The following CTNNA3 variants were observed in gnomAD, a reference collection of about 807,000 sequenced individuals.
CTNNA3 encodes catenin alpha 3.
CTNNA3 carries 76 observed loss-of-function variants against 95.7 expected under a neutral mutation model. The observed-to-expected ratio is 0.79, with a 90% CI of 0.66 to 0.96. The LOEUF is 0.96. Ranked by LOEUF, CTNNA3 falls within the 40% of genes least tolerant of loss-of-function variation. CTNNA3 has a pLI of 0.00. For missense variants in CTNNA3, 1,191 were observed against 1,089.8 expected, an observed-to-expected ratio of 1.09 and a Z score of -1.31; for synonymous variants, 431 against 374.4, an observed-to-expected ratio of 1.15 and a Z score of -1.74.
chr10:66,270,542 A>T (rs1050752194), intron 13 of CTNNA3, among the ~76,000 whole-genome samples: 15 of 152,172 alleles, frequency 9.9e-5, no homozygotes, highest in Admixed American at 9.8e-4. Flanking sequence ...TCCTTATTTC[A>T]TATAGCCTAC....
intron 17 of CTNNA3, among the ~76,000 whole-genome samples, chr10:65,939,269 A>AT (rs1312816541): frequency 6.6e-6 from 1 of 152,072 alleles, no homozygotes; most frequent in Non-Finnish European, 1.5e-5. Flanking sequence ...CTACCGAATA[A>AT]TTTTTTCCTA....
At chr10:66,612,746 T>C (rs1844370970) in intron 10 of CTNNA3, among the ~76,000 whole-genome samples, 1 of 152,080 alleles carries the variant, frequency 6.6e-6, no homozygotes, top group African/African-American at 2.4e-5. Flanking sequence ...TTTTTCAATT[T>C]CTATTACATG....
At chr10:66,133,501 A>T (rs1426721534) in intron 13 of CTNNA3, among the ~76,000 whole-genome samples, 1 of 151,544 alleles carries the variant, frequency 6.6e-6, no homozygotes, top group East Asian at 1.9e-4. Context: ...CGACAGAGTG[A>T]GAGTCTGTCT....
chr10:67,586,994 G>A (rs1424998191), intron 3 of CTNNA3, among the ~76,000 whole-genome samples: 1 of 151,928 alleles, frequency 6.6e-6, no homozygotes, highest in Non-Finnish European at 1.5e-5. Context: ...TGTTTTTCAT[G>A]ATGGTAAATG....
chr10:66,427,799 C>G (rs1041034785), intron 11 of CTNNA3, among the ~76,000 whole-genome samples: 15 of 152,154 alleles, frequency 9.9e-5, no homozygotes, highest in African/African-American at 2.6e-4. Context: ...TGCAAAAACA[C>G]TCCAAATTGT....
intron 9 of CTNNA3, among the ~76,000 whole-genome samples, chr10:66,676,108 A>C (rs1846843840): frequency 6.7e-6 from 1 of 150,372 alleles, no homozygotes; most frequent in Non-Finnish European, 1.5e-5. Flanking sequence ...AAACCTTTAA[A>C]ACACACACAC....
At chr10:66,209,467 A>G (rs935377415) in intron 13 of CTNNA3, among the ~76,000 whole-genome samples, 7 of 152,166 alleles carry the variant, frequency 4.6e-5, no homozygotes, top group Non-Finnish European at 1.0e-4. Flanking sequence ...GTTGAAGGTG[A>G]GAGAGAGGTC....
chr10:66,294,482 A>G (rs1017753741), intron 12 of CTNNA3, among the ~76,000 whole-genome samples: 3 of 152,238 alleles, frequency 2.0e-5, no homozygotes, highest in Non-Finnish European at 2.9e-5. Context: ...AATACTAAAA[A>G]GACTGGAAAT....
At chr10:67,130,281 C>A (rs1334405994) in intron 7 of CTNNA3, among the ~76,000 whole-genome samples, 1 of 152,048 alleles carries the variant, frequency 6.6e-6, no homozygotes, top group African/African-American at 2.4e-5. Context: ...AGATGAAATC[C>A]AGTCTCCTTG....
intron 7 of CTNNA3, among the ~76,000 whole-genome samples, chr10:66,929,983 T>C (rs1357278433): frequency 6.6e-6 from 1 of 152,166 alleles, no homozygotes; most frequent in African/African-American, 2.4e-5. Context: ...CCCTACATCT[T>C]TAACCATGTC....
At chr10:67,353,320 G>A (rs1842702401) in intron 5 of CTNNA3, among the ~76,000 whole-genome samples, 2 of 152,104 alleles carry the variant, frequency 1.3e-5, no homozygotes, top group African/African-American at 4.8e-5. Flanking sequence ...AAAAGAGAGA[G>A]AGAAGAAGCA....
At chr10:67,342,059 AGT>A (rs1491169042) in intron 5 of CTNNA3, among the ~76,000 whole-genome samples, 2 of 138,926 alleles carry the variant, frequency 1.4e-5, no homozygotes, top group Non-Finnish European at 3.2e-5. Flanking sequence ...GTAGTTTCCC[AGT>A]ATATATTTTT....
chr10:67,007,840 TA>T (rs1589593088), intron 7 of CTNNA3, among the ~76,000 whole-genome samples: 1 of 152,048 alleles, frequency 6.6e-6, no homozygotes, highest in East Asian at 1.9e-4. Flanking sequence ...CACCTCAAAA[TA>T]GCCATTATTT....
chr10:66,845,252 T>C (rs190829455), intron 7 of CTNNA3, among the ~76,000 whole-genome samples: 1 of 152,218 alleles, frequency 6.6e-6, no homozygotes, highest in East Asian at 1.9e-4. Context: ...GACATAAACG[T>C]GACCAACAGG....
At chr10:67,201,543 A>G (rs141643417) in intron 6 of CTNNA3, among the ~76,000 whole-genome samples, 1 of 151,970 alleles carries the variant, frequency 6.6e-6, no homozygotes, top group Non-Finnish European at 1.5e-5. Context: ...GCTTTTAGAC[A>G]TTGCTCTTTT....
At chr10:67,697,091 G>A (rs1424817470), upstream of CTNNA3, among the ~76,000 whole-genome samples, 1 of 152,166 alleles carries the variant, frequency 6.6e-6, no homozygotes, top group Non-Finnish European at 1.5e-5. Context: ...GCAGGGTCTG[G>A]GAACTGTCAG....
chr10:66,592,971 C>T (rs1034838326), intron 10 of CTNNA3, among the ~76,000 whole-genome samples: 4 of 152,014 alleles, frequency 2.6e-5, no homozygotes, highest in Admixed American at 2.6e-4. Context: ...TCTGAATTCA[C>T]CCATTATGGA....
At chr10:67,304,851 C>T (rs1432445776) in intron 5 of CTNNA3, among the ~76,000 whole-genome samples, 1 of 151,964 alleles carries the variant, frequency 6.6e-6, no homozygotes, top group Non-Finnish European at 1.5e-5. Context: ...CAGAGAAAGG[C>T]TTTCTGGAGG....
chr10:67,183,375 T>G (rs1862665483), intron 6 of CTNNA3, among the ~76,000 whole-genome samples: 1 of 152,174 alleles, frequency 6.6e-6, no homozygotes, highest in Non-Finnish European at 1.5e-5. Context: ...AATGATGAGT[T>G]CATGTCCTTT....
Sources: allele counts gnomAD v4.1 joint callset (sites outside exome capture counted in the v4.1 genomes callset), GRCh38; gene constraint gnomAD v4.1.1; transcripts MANE v1.5; gene names NCBI Gene and HGNC (gene_info 2026-07-23, HGNC 2026-07-21).